The following RPGR variants were observed in gnomAD, a reference collection of about 807,000 sequenced individuals.
RPGR encodes X-linked retinitis pigmentosa GTPase regulator.
Under a neutral mutation model 56.3 loss-of-function variants are expected in RPGR, and 10 were observed. The ratio of observed to expected loss-of-function variants is 0.18; its 90% CI spans 0.11 to 0.30. The LOEUF (loss-of-function observed/expected upper bound fraction) is 0.30, where lower values mean the gene tolerates loss of function less well. Ranked by LOEUF, RPGR falls within the 10% of genes least tolerant of loss-of-function variation. The probability of loss-of-function intolerance (pLI) is 1.00; values close to 1 mark genes in which losing one functional copy is unlikely to be tolerated. For synonymous variants in RPGR, 197 were observed against 212.9 expected, an observed-to-expected ratio of 0.93 and a Z score of 0.65; for missense variants, 538 against 590.9, an observed-to-expected ratio of 0.91 and a Z score of 0.93.
chrX:38,278,408 T>C (rs1361548541), intron 15 of RPGR, among the ~76,000 whole-genome samples: 2 of 111,735 alleles, frequency 1.8e-5, no homozygotes, highest in South Asian at 3.7e-4. Flanking sequence ...ACCCAGCTGA[T>C]TTTTGTACTT....
chrX:38,270,622 CCAAA>C (rs2066828164), intron 18 of RPGR, among the ~76,000 whole-genome samples: 1 of 93,471 alleles, frequency 1.1e-5, no homozygotes, highest in African/African-American at 4.1e-5. Flanking sequence ...GACTCTGTCC[CCAAA>C]AAAAAAAAAA....
At chrX:38,320,262 G>A (rs1341014434) in intron 4 of RPGR, among the ~76,000 whole-genome samples, 1 of 107,943 alleles carries the variant, frequency 9.3e-6, no homozygotes, top group Admixed American at 1.0e-4. Context: ...CAGAATAAGT[G>A]GTGGTGGGGG....
rs778406248 is a variant in RPGR at position 38,274,940 on chromosome X, G to C, written c.2149+149C>G. The C allele has an allele frequency of 7.0e-4, 334 of 476,964 alleles. 2 individuals carry two copies. In the South Asian group the frequency reaches 0.011, roughly 15 times the overall value. The allele number at this position is 476,964 out of a possible 1,213,427, so 39.3% of individuals were successfully genotyped here. On this transcript the variant is annotated intron_variant, in intron 17 of 18. Transcript: ENST00000642395. ...ATAAGTCTGTATCACATATTTCATA[G>C]CTTGTTATGAGGATCATGTGACAGT...
intron 14 of RPGR, 52 bp downstream of exon 14, chrX:38,287,809 A>G (rs1391328220): frequency 9.2e-7 from 1 of 1,087,776 alleles, no homozygotes; most frequent in Non-Finnish European, 1.3e-6. Context: ...CTCTTTTTGT[A>G]AACCCTCTCC....
intron 15 of RPGR, chrX:38,286,059 C>CCT: frequency 1.6e-6 from 1 of 625,277 alleles, no homozygotes; most frequent in South Asian, 3.2e-5. Context: ...CCTCTTCCCC[C>CCT]TCCCCTTCTC....
chrX:38,283,209 CAT>C (rs1427220976), intron 15 of RPGR, among the ~76,000 whole-genome samples: 4 of 111,648 alleles, frequency 3.6e-5, no homozygotes, highest in Admixed American at 2.9e-4. Flanking sequence ...AGACCTGCCA[CAT>C]GTGATTAAAT....
At chrX:38,311,006 T>C (rs1000340897) in intron 6 of RPGR, among the ~76,000 whole-genome samples, 2 of 112,474 alleles carry the variant, frequency 1.8e-5, no homozygotes, top group African/African-American at 6.5e-5. Context: ...AACTAGAAAA[T>C]TACTTTAGTG....
chrX:38,278,422 G>T (rs1412870751), intron 15 of RPGR, among the ~76,000 whole-genome samples: 1 of 111,702 alleles, frequency 9.0e-6, no homozygotes, highest in African/African-American at 3.3e-5. Context: ...TGTACTTTTA[G>T]TAAAGACGGG....
intron 15 of RPGR, chrX:38,285,347 T>A: frequency 9.3e-7 from 1 of 1,073,540 alleles, no homozygotes; most frequent in Non-Finnish European, 1.2e-6. Flanking sequence ...AATTTTAGTT[T>A]GAGAGAGGCC....
In RPGR at chrX:38,284,883, A is replaced by G. The variant is rs2067099592; in HGVS notation, c.1905+2211T>C. 4 of 748,154 alleles carry G rather than the reference A, an allele frequency of 5.3e-6. No homozygotes were observed. The South Asian group carries it at 2.1e-4, about 38-fold the overall frequency. The allele number at this position is 748,154 out of a possible 1,213,427, so 61.7% of individuals were successfully genotyped here. ...TCCAGATTATACATTTAAATTAATCACCATTTCATTAGATATACTACCATC... is the reference window on the plus strand; with the variant it reads ...TCCAGATTATACATTTAAATTAATCGCCATTTCATTAGATATACTACCATC... On this transcript the variant is annotated intron_variant, in intron 15 of 18. Transcript: ENST00000642395.
intron 15 of RPGR, chrX:38,286,352 C>G: frequency 1.1e-6 from 1 of 872,294 alleles, no homozygotes; most frequent in Non-Finnish European, 1.5e-6. Flanking sequence ...TCCCCTTCTC[C>G]TTCCTCCTCT....
intron 15 of RPGR, chrX:38,285,684 T>C: frequency 8.3e-7 from 1 of 1,211,589 alleles, no homozygotes; most frequent in Non-Finnish European, 1.1e-6. Flanking sequence ...TAACTGACTT[T>C]TTTTGATATG....
At chrX:38,317,209 C>T (rs1022258507) in intron 6 of RPGR, 107 bp downstream of exon 6, 30 of 817,195 alleles carry the variant, frequency 3.7e-5, no homozygotes, top group Non-Finnish European at 4.9e-5. Flanking sequence ...ATTACATGGA[C>T]AACCATGGCA....
At chrX:38,326,101 T>A (rs769035954) in intron 1 of RPGR, among the ~76,000 whole-genome samples, 22 of 111,820 alleles carry the variant, frequency 2.0e-4, no homozygotes, top group Non-Finnish European at 3.9e-4. Context: ...AGACTCTGAG[T>A]TTCCCCAGAA....
intron 18 of RPGR, among the ~76,000 whole-genome samples, chrX:38,273,078 T>C (rs1342621811): frequency 8.9e-6 from 1 of 112,012 alleles, no homozygotes; most frequent in African/African-American, 3.2e-5. Context: ...GATAGGAACA[T>C]TGATGAGCTT....
intron 15 of RPGR, among the ~76,000 whole-genome samples, chrX:38,278,366 G>C (rs947768653): frequency 1.8e-5 from 2 of 111,711 alleles, no homozygotes; most frequent in African/African-American, 6.5e-5. Flanking sequence ...TCAGCCTCCC[G>C]AGTAGCTGGG....
chrX:38,315,289 A>G (rs1291909141), intron 6 of RPGR, among the ~76,000 whole-genome samples: 2 of 111,501 alleles, frequency 1.8e-5, no homozygotes, highest in African/African-American at 6.5e-5. Context: ...CCGGGACTAT[A>G]CTACTGTACT....
chrX:38,269,398 G>T lies in RPGR; in HGVS notation c.*228C>A, dbSNP rs2066788256. 5.9e-6 allele frequency: 2 copies of T among 339,051 alleles called. No individual in the cohort carries two copies. The highest frequency in any genetic ancestry group is 6.5e-5 in the South Asian group (1 of 15,340). The allele number at this position is 339,051 out of a possible 1,213,427, so 27.9% of individuals were successfully genotyped here. A position where few individuals can be genotyped will look rare whatever the true frequency, so the allele number is the denominator to read the frequency against. On this transcript the variant is annotated 3_prime_UTR_variant, in exon 19 of 19. Transcript: ENST00000642395. ...TTTATTGCAATACTGAACAGTTAAGGCCACAACACTTTAGGGAGAATTTGA... is the reference window on the plus strand; with the variant it reads ...TTTATTGCAATACTGAACAGTTAAGTCCACAACACTTTAGGGAGAATTTGA...
At chrX:38,325,063 G>A (rs2068022334) in intron 1 of RPGR, among the ~76,000 whole-genome samples, 1 of 105,483 alleles carries the variant, frequency 9.5e-6, no homozygotes. Flanking sequence ...CCAGCTACTC[G>A]GGGGGCTGAG....
Sources: allele counts gnomAD v4.1 joint callset (sites outside exome capture counted in the v4.1 genomes callset), GRCh38; gene constraint gnomAD v4.1.1; transcripts MANE v1.5; gene names NCBI Gene and HGNC (gene_info 2026-07-23, HGNC 2026-07-21).